The following GALNT7 variants were observed in gnomAD, a reference collection of about 807,000 sequenced individuals.
The protein encoded by GALNT7 is N-acetylgalactosaminyltransferase 7.
In GALNT7, 60 loss-of-function variants were observed where a neutral mutation model predicts 82.1. That is an observed-to-expected ratio of 0.73 (90% CI 0.59 to 0.91). GALNT7 has a LOEUF of 0.91. GALNT7 is among the 40% of genes least tolerant of loss of function. The pLI is 0.00. For missense variants in GALNT7, 660 were observed against 804.2 expected, an observed-to-expected ratio of 0.82 and a Z score of 2.17; for synonymous variants, 243 against 275.1, an observed-to-expected ratio of 0.88 and a Z score of 1.15.
At chr4:173,297,753 T>G in intron 5 of GALNT7, 1 of 1,081,310 alleles carries the variant, frequency 9.2e-7, no homozygotes, top group Non-Finnish European at 1.2e-6. Flanking sequence ...TGAACTAGTC[T>G]TGGGTTCTTA....
At position 173,198,065 on chromosome 4, in the gene GALNT7, C is replaced by CT. The variant is rs5864190; in HGVS notation, c.126+29116dup. Among the ~76,000 whole-genome samples the CT allele has an allele frequency of 7.1e-4, 105 of 148,592 alleles. No individual in the cohort carries two copies. The Middle Eastern group carries it at 0.014, about 20-fold the overall frequency. On this transcript the variant is annotated intron_variant, in intron 1 of 11. Coordinates refer to ENST00000265000, the MANE Select transcript of GALNT7 (RefSeq NM_017423.3). ...TTACCTGATTTTACTTGGATTGTTT[C>CT]TTTTTTTTTTTTGAGACGGAGTCTC...
intron 2 of GALNT7, among the ~76,000 whole-genome samples, chr4:173,264,287 T>A (rs1006309651): frequency 1.6e-4 from 24 of 152,172 alleles, no homozygotes; most frequent in African/African-American, 5.3e-4. Flanking sequence ...AAGATATGAG[T>A]GGTTATGATA....
intron 1 of GALNT7, among the ~76,000 whole-genome samples, chr4:173,203,011 C>T (rs1241867044): frequency 2.0e-5 from 3 of 150,608 alleles, no homozygotes; most frequent in African/African-American, 4.9e-5. Context: ...TTTCAATTTT[C>T]ATGGATTTTT....
intron 2 of GALNT7, among the ~76,000 whole-genome samples, chr4:173,279,115 C>T (rs1454419122): frequency 2.0e-5 from 3 of 152,042 alleles, no homozygotes; most frequent in Admixed American, 6.6e-5. Flanking sequence ...TAACAGAGAC[C>T]GGGTAATTTA....
chr4:173,216,982 C>G (rs1204594967), intron 1 of GALNT7, among the ~76,000 whole-genome samples: 1 of 151,566 alleles, frequency 6.6e-6, no homozygotes, highest in Non-Finnish European at 1.5e-5. Context: ...CCGCCTGCCT[C>G]GGCCTCCCAA....
chr4:173,285,546 A>G (rs1009836899), intron 2 of GALNT7, among the ~76,000 whole-genome samples: 2 of 152,258 alleles, frequency 1.3e-5, no homozygotes, highest in Admixed American at 6.5e-5. Context: ...TATTTTACCA[A>G]TAATTCTTGT....
intron 1 of GALNT7, among the ~76,000 whole-genome samples, chr4:173,229,475 G>C (rs896800250): frequency 2.4e-4 from 37 of 152,172 alleles, no homozygotes; most frequent in African/African-American, 8.9e-4. Flanking sequence ...AGAAATTCTA[G>C]TTAAGGATAT....
In GALNT7 at chr4:173,182,925, T is replaced by TACACACACACACACACACAC. The variant is rs61378172; in HGVS notation, c.126+13967_126+13986dup. On this transcript the variant is annotated intron_variant, in intron 1 of 11. Coordinates refer to ENST00000265000, the MANE Select transcript of GALNT7 (RefSeq NM_017423.3). ...GATGAGGCTAGCAGGTTACTCATAA[T>TACACACACACACACACACAC]ACACACACACACACACACACACTCT... Among the ~76,000 whole-genome samples the TACACACACACACACACACAC allele has an allele frequency of 1.4e-3, 194 of 134,282 alleles. 1 individual carries two copies. The highest frequency in any genetic ancestry group is 5.3e-3 in the African/African-American group (182 of 34,212). 88.1% of individuals were successfully genotyped at this position (134,282 alleles called of 152,430 possible).
At chr4:173,258,787 A>G (rs143992849) in intron 2 of GALNT7, among the ~76,000 whole-genome samples, 11 of 152,324 alleles carry the variant, frequency 7.2e-5, no homozygotes, top group African/African-American at 2.6e-4. Context: ...CTTGTTAGGG[A>G]TGCTAACAGC....
chr4:173,230,005 A>G (rs1733975320), intron 1 of GALNT7, among the ~76,000 whole-genome samples: 1 of 152,152 alleles, frequency 6.6e-6, no homozygotes, highest in Non-Finnish European at 1.5e-5. Context: ...ATACCAGGAT[A>G]AATGTGCTGC....
chr4:173,316,158 C>A (rs1737592389), intron 9 of GALNT7: 1 of 152,428 alleles, frequency 6.6e-6, no homozygotes, highest in South Asian at 2.1e-4. Context: ...AACATCTGTC[C>A]CCATTCCTCT....
intron 1 of GALNT7, among the ~76,000 whole-genome samples, chr4:173,183,607 CT>C (rs1446647184): frequency 2.6e-4 from 40 of 152,328 alleles, no homozygotes; most frequent in African/African-American, 8.4e-4. Flanking sequence ...ACATTTCCCC[CT>C]TTTCTATTCG....
At chr4:173,205,717 G>T (rs1733068213) in intron 1 of GALNT7, among the ~76,000 whole-genome samples, 1 of 152,116 alleles carries the variant, frequency 6.6e-6, no homozygotes, top group African/African-American at 2.4e-5. Context: ...CTGGGGCTGT[G>T]TAGGGCAATC....
At chr4:173,284,897 A>G (rs1177637059) in intron 2 of GALNT7, among the ~76,000 whole-genome samples, 1 of 152,200 alleles carries the variant, frequency 6.6e-6, no homozygotes, top group Non-Finnish European at 1.5e-5. Flanking sequence ...AGATTTTTAC[A>G]TACATTTTTT....
intron 2 of GALNT7, among the ~76,000 whole-genome samples, chr4:173,260,588 ATTTTG>A (rs1349322383): frequency 6.6e-6 from 1 of 152,074 alleles, no homozygotes; most frequent in Non-Finnish European, 1.5e-5. Context: ...CATGTGTTTT[ATTTTG>A]TTTTGTCTTT....
intron 2 of GALNT7, among the ~76,000 whole-genome samples, chr4:173,251,872 T>C (rs2126746124): frequency 6.6e-6 from 1 of 152,324 alleles, no homozygotes; most frequent in African/African-American, 2.4e-5. Flanking sequence ...TAAAAGTCAT[T>C]TTTTAATATT....
intron 1 of GALNT7, among the ~76,000 whole-genome samples, chr4:173,197,004 T>G (rs1579901381): frequency 6.6e-6 from 1 of 152,054 alleles, no homozygotes; most frequent in East Asian, 1.9e-4. Flanking sequence ...AGAGGTACAT[T>G]TGATAGGTAC....
intron 2 of GALNT7, among the ~76,000 whole-genome samples, chr4:173,261,555 G>T (rs905880806): frequency 6.6e-6 from 1 of 152,124 alleles, no homozygotes; most frequent in East Asian, 1.9e-4. Context: ...GGCAGCTCAC[G>T]CCTGTAATCC....
At chr4:173,316,248 T>A (rs946739221) in intron 9 of GALNT7, 4 of 152,484 alleles carry the variant, frequency 2.6e-5, no homozygotes, top group Admixed American at 2.6e-4. Context: ...TCCAGGCATG[T>A]GCCTGCCTGT....
Sources: gnomAD v4.1 joint callset for allele counts (sites outside exome capture counted in the v4.1 genomes callset) on GRCh38, gnomAD v4.1.1 for gene constraint, MANE v1.5 for transcripts, NCBI Gene and HGNC (gene_info 2026-07-23, HGNC 2026-07-21) for gene names.